Variants in PCDH17 observed in about 807,000 individuals in gnomAD.
PCDH17 encodes the protein protocadherin 17, also known as protocadherin-17.
In PCDH17, 21 loss-of-function variants were observed where a neutral mutation model predicts 67.7. The observed-to-expected ratio is 0.31, with a 90% confidence interval of 0.22 to 0.45. The LOEUF (loss-of-function observed/expected upper bound fraction) is 0.45. PCDH17 is among the 20% of genes least tolerant of loss of function. The pLI, the probability that PCDH17 is intolerant of heterozygous loss-of-function variation, is 1.00. For synonymous variants in PCDH17, 701 were observed against 656.7 expected, an observed-to-expected ratio of 1.07 and a Z score of -1.03; for missense variants, 1,471 against 1,564.8, an observed-to-expected ratio of 0.94 and a Z score of 1.01.
chr13:57,655,937 A>G (rs1955097379), intron 1 of PCDH17, among the ~76,000 whole-genome samples: 1 of 152,254 alleles, frequency 6.6e-6, no homozygotes, highest in Admixed American at 6.5e-5. Context: ...GGAATGGTTC[A>G]TTATTTTTCT....
At chr13:57,654,868 AT>A (rs1230135715) in intron 1 of PCDH17, among the ~76,000 whole-genome samples, 1 of 151,836 alleles carries the variant, frequency 6.6e-6, no homozygotes, top group Non-Finnish European at 1.5e-5. Flanking sequence ...ATTAATAATT[AT>A]TTTTTTCCTC....
intron 3 of PCDH17, chr13:57,709,771 TG>T (rs1711526457): frequency 6.6e-6 from 1 of 152,334 alleles, no homozygotes; most frequent in Admixed American, 6.6e-5. Context: ...TTTCTTCATC[TG>T]CTAGCTTTCT....
intron 1 of PCDH17, among the ~76,000 whole-genome samples, chr13:57,642,260 A>G (rs1345229113): frequency 6.6e-6 from 1 of 151,724 alleles, no homozygotes; most frequent in Non-Finnish European, 1.5e-5. Flanking sequence ...TTAAAGGACC[A>G]TTTCTTGTTT....
intron 3 of PCDH17, among the ~76,000 whole-genome samples, chr13:57,717,436 C>T (rs781587046): frequency 2.6e-5 from 4 of 151,890 alleles, no homozygotes; most frequent in Non-Finnish European, 2.9e-5. Flanking sequence ...TCAATATATA[C>T]GCCAGAAAAT....
intron 3 of PCDH17, among the ~76,000 whole-genome samples, chr13:57,696,076 C>T (rs778309389): frequency 4.0e-5 from 6 of 151,328 alleles, no homozygotes; most frequent in African/African-American, 1.4e-4. Context: ...CATGGGAAAA[C>T]AGTGTGTGAA....
intron 1 of PCDH17, 54 bp downstream of exon 1, chr13:57,635,165 G>C: frequency 1.9e-6 from 3 of 1,584,478 alleles, no homozygotes; most frequent in Non-Finnish European, 2.6e-6. Flanking sequence ...TTTTGGAGCT[G>C]TCCTGAAACC....
At chr13:57,686,063 T>C (rs1955503899) in intron 3 of PCDH17, among the ~76,000 whole-genome samples, 1 of 151,554 alleles carries the variant, frequency 6.6e-6, no homozygotes, top group Non-Finnish European at 1.5e-5. Flanking sequence ...CACTCTAGCC[T>C]GGGTGACACA....
At chr13:57,640,501 G>A (rs192934834) in intron 1 of PCDH17, among the ~76,000 whole-genome samples, 197 of 152,046 alleles carry the variant, frequency 1.3e-3, no homozygotes, top group Non-Finnish European at 1.0e-3. Context: ...CTTCTCTAAG[G>A]AACAGCTCAA....
chr13:57,696,160 T>C (rs538152698), intron 3 of PCDH17, among the ~76,000 whole-genome samples: 9 of 151,606 alleles, frequency 5.9e-5, no homozygotes, highest in Admixed American at 5.3e-4. Flanking sequence ...TTGATATTTA[T>C]ATTTAACTTG....
chr13:57,702,925 G>A (rs1444667293), intron 3 of PCDH17, among the ~76,000 whole-genome samples: 1 of 152,144 alleles, frequency 6.6e-6, no homozygotes, highest in Non-Finnish European at 1.5e-5. Context: ...TGACCTTTCT[G>A]CCTATCTCTC....
intron 3 of PCDH17, among the ~76,000 whole-genome samples, chr13:57,676,692 T>A (rs1189022882): frequency 2.0e-5 from 3 of 151,756 alleles, no homozygotes; most frequent in Admixed American, 2.0e-4. Context: ...CCAAGAAAAA[T>A]ACTCAGTATG....
chr13:57,696,913 A>G (rs1171269547), intron 3 of PCDH17, among the ~76,000 whole-genome samples: 2 of 151,648 alleles, frequency 1.3e-5, no homozygotes, highest in Non-Finnish European at 3.0e-5. Context: ...AATTCCTCCC[A>G]CATCCACAGC....
intron 1 of PCDH17, among the ~76,000 whole-genome samples, chr13:57,650,389 A>G (rs1955021615): frequency 2.0e-5 from 3 of 151,976 alleles, no homozygotes. Flanking sequence ...TTGAACTGGA[A>G]TCTGTAGTGA....
Position 57,632,231 on chromosome 13 carries a change from A to G in PCDH17, c.-316A>G. On this transcript the variant is annotated 5_prime_UTR_variant, in exon 1 of 4. Transcript: ENST00000377918. Reference sequence around the variant, plus strand: ...CATCGCTCAAGTTTGAGCCTCCCGAAGTCCGGGCGGGAGAGACGAAACCCC... The same window carrying G: ...CATCGCTCAAGTTTGAGCCTCCCGAGGTCCGGGCGGGAGAGACGAAACCCC... The G allele has an allele frequency of 2.4e-6, 1 of 414,748 alleles. No individual in the cohort carries two copies. Among genetic ancestry groups the G allele is most frequent in the East Asian group, 4.6e-5 (1 of 21,908 alleles). 25.7% of individuals were successfully genotyped at this position (414,748 alleles called of 1,614,324 possible).
At chr13:57,696,551 A>G (rs1283980758) in intron 3 of PCDH17, among the ~76,000 whole-genome samples, 2 of 151,586 alleles carry the variant, frequency 1.3e-5, no homozygotes, top group Admixed American at 1.3e-4. Flanking sequence ...AAATAATTGG[A>G]CTGTTTTTAA....
At chr13:57,669,064 C>T (rs1452406439) in intron 3 of PCDH17, among the ~76,000 whole-genome samples, 2 of 151,778 alleles carry the variant, frequency 1.3e-5, no homozygotes, top group Non-Finnish European at 2.9e-5. Context: ...TTGTTCAATT[C>T]CCACCTATGA....
chr13:57,674,343 T>C (rs1346627231), intron 3 of PCDH17, among the ~76,000 whole-genome samples: 1 of 152,004 alleles, frequency 6.6e-6, no homozygotes, highest in African/African-American at 2.4e-5. Context: ...TATTTCTTTC[T>C]AGAGACAGGG....
At chr13:57,638,949 G>T (rs1178280069) in intron 1 of PCDH17, among the ~76,000 whole-genome samples, 2 of 151,986 alleles carry the variant, frequency 1.3e-5, no homozygotes, top group African/African-American at 4.8e-5. Context: ...GCCTATTAAT[G>T]ATTTCAGTAA....
chr13:57,657,573 G>A (rs1215683015), intron 1 of PCDH17, among the ~76,000 whole-genome samples: 4 of 152,164 alleles, frequency 2.6e-5, no homozygotes, highest in South Asian at 2.1e-4. Context: ...ATGTCGGTAC[G>A]AAAAGGCTTA....
Sources: gnomAD v4.1 joint callset for allele counts (sites outside exome capture counted in the v4.1 genomes callset) on GRCh38, gnomAD v4.1.1 for gene constraint, MANE v1.5 for transcripts, NCBI Gene and HGNC (gene_info 2026-07-23, HGNC 2026-07-21) for gene names.